The following SPEG variants were observed in gnomAD, a reference collection of about 807,000 sequenced individuals.
SPEG encodes striated muscle preferentially expressed protein kinase.
In SPEG, 114 loss-of-function variants were observed where a neutral mutation model predicts 300.4. The ratio of observed to expected loss-of-function variants is 0.38; its 90% CI spans 0.33 to 0.44. The LOEUF is 0.44. Among genes scored for constraint, SPEG ranks in the 20% least tolerant of loss-of-function variants. The pLI is 1.00. For missense variants in SPEG, 4,201 were observed against 4,586.2 expected, an observed-to-expected ratio of 0.92 and a Z score of 2.43; for synonymous variants, 1,964 against 2,018.9, an observed-to-expected ratio of 0.97 and a Z score of 0.73.
At position 219,451,606 on chromosome 2, in the gene SPEG, T is replaced by C; in HGVS notation, c.2258-19T>C. 1 of 1,513,394 alleles carries C rather than the reference T, an allele frequency of 6.6e-7. No individual in the cohort carries two copies. The highest frequency in any genetic ancestry group is 8.8e-7 in the Non-Finnish European group (1 of 1,131,214). The allele number at this position is 1,513,394 out of a possible 1,614,324, so 93.7% of individuals were successfully genotyped here. On this transcript the variant is annotated intron_variant, in intron 5 of 40. Coordinates refer to ENST00000312358, the MANE Select transcript of SPEG (RefSeq NM_005876.5). The surrounding 1 kb of genome is among the most constrained non-coding windows in gnomAD (Gnocchi z 6.4). The stretch of plus-strand genomic sequence containing the variant: ...CGCCTGTGGGCCGTGGCGAGCCGGG[T>C]CCCTGTGCCTCCCCACAGTGTCCTG...
Position 219,480,149 on chromosome 2 carries a change from G to A in SPEG, c.5342+9G>A. On this transcript the variant is annotated intron_variant, in intron 25 of 40. Transcript: ENST00000312358. This position sits in a 1 kb window ranked among gnomAD's most constrained non-coding sequence, Gnocchi z 5.3. Reference sequence around the variant, plus strand: ...GGAGTCACTGACATCTGGTAAGGCTGGCATGCTGGGCTGGGCCGACCAGGG... The same window carrying A: ...GGAGTCACTGACATCTGGTAAGGCTAGCATGCTGGGCTGGGCCGACCAGGG... The A allele has an allele frequency of 6.2e-7, 1 of 1,613,120 alleles. No individual in the cohort carries two copies. The highest frequency in any genetic ancestry group is 8.5e-7 in the Non-Finnish European group (1 of 1,179,588).
At chr2:219,485,234 C>T (rs1026924890) in intron 30 of SPEG, 112 bp from the exon 31 acceptor site, 3 of 1,495,468 alleles carry the variant, frequency 2.0e-6, no homozygotes, top group South Asian at 1.3e-5. Flanking sequence ...GGAATGGCGG[C>T]AGGGCTGGGT....
At chr2:219,446,596 C>T (rs1220098565) in intron 3 of SPEG, among the ~76,000 whole-genome samples, 1 of 152,164 alleles carries the variant, frequency 6.6e-6, no homozygotes, top group East Asian at 1.9e-4. Context: ...GCTAAAACAT[C>T]CTTAACTCGG....
rs1365365489 is a variant in SPEG at position 219,477,485 on chromosome 2, C to CT, written c.4729+41dup. 6.6e-7 allele frequency: 1 copy of CT among 1,524,202 alleles called. No individual in the cohort carries two copies. Among genetic ancestry groups the CT allele is most frequent in the Non-Finnish European group, 8.8e-7 (1 of 1,131,844 alleles). 94.4% of individuals were successfully genotyped at this position (1,524,202 alleles called of 1,614,324 possible). A position where few individuals can be genotyped will look rare whatever the true frequency, so the allele number is the denominator to read the frequency against. On this transcript the variant is annotated intron_variant, in intron 20 of 40. Coordinates refer to ENST00000312358, the MANE Select transcript of SPEG (RefSeq NM_005876.5). This position sits in a 1 kb window ranked among gnomAD's most constrained non-coding sequence, Gnocchi z 6.4. ...CGGAGAAAGGTAAAGCGCACACCCC[C>CT]TGGAATCTGATGTGACCCTCCATGC...
Position 219,448,270 on chromosome 2 carries a change from C to T in SPEG, c.1112C>T (p.Ser371Phe). 6.2e-7 allele frequency: 1 copy of T among 1,611,948 alleles called. No homozygotes were observed. Among genetic ancestry groups the T allele is most frequent in the South Asian group, 1.1e-5 (1 of 91,048 alleles). ...SGPSLAGTAE[S>F]RPQTPLSEAS... Reference sequence around the variant, plus strand: ...CCCTCCCTGGCGGGCACCGCGGAATCCCGACCCCAGACGCCACTGAGCGAG... The same window carrying T: ...CCCTCCCTGGCGGGCACCGCGGAATTCCGACCCCAGACGCCACTGAGCGAG... Residue 371 changes from serine to phenylalanine, a missense_variant, in exon 4 of 41, where the codon TCC becomes TTC. By Grantham distance (155) the Ser-to-Phe change is radical. Around this residue, in one of 4 missense-constraint regions of SPEG, gnomAD observed 1,258 missense variants for 1,293.9 expected, o/e 0.97. Transcript: ENST00000312358.
rs1306893270 is a variant in SPEG at position 219,445,990 on chromosome 2, T to C, written c.815+829T>C. Among the ~76,000 whole-genome samples the C allele has an allele frequency of 1.5e-5, 2 of 130,062 alleles. No homozygotes were observed. The highest frequency in any genetic ancestry group is 3.2e-5 in the Non-Finnish European group (2 of 61,544). 85.3% of individuals were successfully genotyped at this position (130,062 alleles called of 152,430 possible). ...GGAGTGCTATAGTGGAAGAGGGGAG[T>C]GGCTGAGAATAGAGGGACTAGGGCA... On this transcript the variant is annotated intron_variant, in intron 3 of 40. Transcript: ENST00000312358. The surrounding 1 kb of genome is among the most constrained non-coding windows in gnomAD (Gnocchi z 6.1).
In SPEG at chr2:219,463,908, G is replaced by A. The variant is rs537775639; in HGVS notation, c.2706-525G>A. 2.0e-4 allele frequency among the ~76,000 whole-genome samples: 30 copies of A among 152,222 alleles called. No individual in the cohort carries two copies. In the South Asian group the frequency reaches 6.0e-3, roughly 31 times the overall value. On this transcript the variant is annotated intron_variant, in intron 8 of 40. Coordinates refer to ENST00000312358, the MANE Select transcript of SPEG (RefSeq NM_005876.5). ...AAGCCAAGAGAGGAGGATCATTTGAGCCCAGAAGTTCAAGACCAGCGTGGA... is the reference window on the plus strand; with the variant it reads ...AAGCCAAGAGAGGAGGATCATTTGAACCCAGAAGTTCAAGACCAGCGTGGA...
In SPEG at chr2:219,477,792, G is replaced by C. The variant is rs1478007954; in HGVS notation, c.4826+7G>C. The C allele has an allele frequency of 1.2e-6, 2 of 1,602,518 alleles. No individual in the cohort carries two copies. Among genetic ancestry groups the C allele is most frequent in the Non-Finnish European group, 1.7e-6 (2 of 1,172,840 alleles). ...TCCACCAGGAGATCGGCAGGTGTGG[G>C]GCTAGGAGGGAAGCCAGTGGGGGCC... On this transcript the variant is annotated splice_region_variant and intron_variant, in intron 21 of 40. Coordinates refer to ENST00000312358, the MANE Select transcript of SPEG (RefSeq NM_005876.5). The surrounding 1 kb of genome is among the most constrained non-coding windows in gnomAD (Gnocchi z 6.4).
intron 6 of SPEG, 26 bp from the exon 7 acceptor site, chr2:219,461,856 T>C (rs1216397331): frequency 1.2e-6 from 2 of 1,609,390 alleles, no homozygotes; most frequent in Non-Finnish European, 1.7e-6. Flanking sequence ...CCTTCCTCCC[T>C]GGTAGCTATC....
At chr2:219,482,747 A>G (rs1399982177) in intron 28 of SPEG, 37 bp from the exon 29 acceptor site, 20 of 1,605,016 alleles carry the variant, frequency 1.2e-5, no homozygotes, top group African/African-American at 2.7e-5. Flanking sequence ...GTCTAGGTTG[A>G]CAGCTTTCCC....
chr2:219,461,087 G>A (rs1291412765), intron 6 of SPEG: 2 of 914,586 alleles, frequency 2.2e-6, no homozygotes, highest in Non-Finnish European at 2.6e-6. Context: ...TCTGTATTTG[G>A]CAGTCGGATA....
chr2:219,435,216 G>A lies in SPEG; in HGVS notation c.239G>A (p.Gly80Glu), dbSNP rs1404334141. 8.1e-6 allele frequency: 12 copies of A among 1,482,394 alleles called. No individual in the cohort carries two copies. The highest frequency in any genetic ancestry group is 1.1e-5 in the Non-Finnish European group (12 of 1,125,992). The allele number at this position is 1,482,394 out of a possible 1,614,324, so 91.8% of individuals were successfully genotyped here. Residue 80 changes from glycine (G) to glutamate (E), a missense_variant, in exon 1 of 41, where the codon GGG becomes GAG. Gly to Glu is a moderately conservative substitution (Grantham distance 98). Around this residue, in one of 4 missense-constraint regions of SPEG, gnomAD observed 1,258 missense variants for 1,293.9 expected, o/e 0.97. Transcript: ENST00000312358. Reference sequence around the variant, plus strand: ...CCCAGCCTCCGCTGGTTCCGGGATGGGCAGCTCCTGCCCGCGCCGGCCCCC... The same window carrying A: ...CCCAGCCTCCGCTGGTTCCGGGATGAGCAGCTCCTGCCCGCGCCGGCCCCC... ...PQPSLRWFRD[G>E]QLLPAPAPEP...
intron 1 of SPEG, 118 bp downstream of exon 1, chr2:219,435,483 G>A: frequency 8.5e-7 from 1 of 1,178,578 alleles, no homozygotes; most frequent in African/African-American, 1.6e-5. Context: ...CTTCCCAGGT[G>A]CCCTGGCTTC....
chr2:219,477,508 T>C lies in SPEG; in HGVS notation c.4729+63T>C. 1 of 1,492,832 alleles carries C rather than the reference T, an allele frequency of 6.7e-7. No individual in the cohort carries two copies. The highest frequency in any genetic ancestry group is 2.5e-5 in the East Asian group (1 of 40,494). The allele number at this position is 1,492,832 out of a possible 1,614,324, so 92.5% of individuals were successfully genotyped here. A position where few individuals can be genotyped will look rare whatever the true frequency, so the allele number is the denominator to read the frequency against. On this transcript the variant is annotated intron_variant, in intron 20 of 40. Transcript: ENST00000312358. The surrounding 1 kb of genome is among the most constrained non-coding windows in gnomAD (Gnocchi z 6.4). Reference sequence around the variant, plus strand: ...CCCTGGAATCTGATGTGACCCTCCATGCTCTGCCCAGGAAGCAGCCAGCCC... The same window carrying C: ...CCCTGGAATCTGATGTGACCCTCCACGCTCTGCCCAGGAAGCAGCCAGCCC...
intron 6 of SPEG, among the ~76,000 whole-genome samples, chr2:219,456,027 T>C (rs907656060): frequency 6.6e-6 from 1 of 152,228 alleles, no homozygotes. Context: ...TAGCTGGTCA[T>C]GGTTTTCTTG....
chr2:219,465,969 G>C (rs76953962), intron 9 of SPEG: 1 of 1,141,966 alleles, frequency 8.8e-7, no homozygotes, highest in African/African-American at 1.5e-5. Context: ...GTGTGCATGC[G>C]TGTGTGTGCA....
intron 4 of SPEG, among the ~76,000 whole-genome samples, chr2:219,450,054 T>A (rs563091776): frequency 7.2e-5 from 11 of 152,340 alleles, no homozygotes; most frequent in African/African-American, 2.6e-4. Context: ...CTCTACCTGC[T>A]GCTCCTGGGA....
Position 219,473,471 on chromosome 2 carries a change from C to G in SPEG, c.4148-33C>G. Reference sequence around the variant, plus strand: ...TGGGTGCTGAGGACCTGATGTCAAGCCCAGCACAGAGCCTGCGCTCTCCTC... The same window carrying G: ...TGGGTGCTGAGGACCTGATGTCAAGGCCAGCACAGAGCCTGCGCTCTCCTC... On this transcript the variant is annotated intron_variant, in intron 16 of 40. Transcript: ENST00000312358. This position sits in a 1 kb window ranked among gnomAD's most constrained non-coding sequence, Gnocchi z 4.6. 1 of 1,610,240 alleles carries G rather than the reference C, an allele frequency of 6.2e-7. No individual in the cohort carries two copies. Among genetic ancestry groups the G allele is most frequent in the Non-Finnish European group, 8.5e-7 (1 of 1,177,778 alleles).
chr2:219,446,995 T>TTCTA (rs1689342196), intron 3 of SPEG, among the ~76,000 whole-genome samples: 1 of 114,896 alleles, frequency 8.7e-6, no homozygotes, highest in African/African-American at 3.0e-5. Context: ...TTTTTTTGCT[T>TTCTA]ATCTTTATGT....
Sources: allele counts gnomAD v4.1 joint callset (sites outside exome capture counted in the v4.1 genomes callset), GRCh38; gene constraint gnomAD v4.1.1; regional missense constraint gnomAD v4.1.1; non-coding constraint Gnocchi (gnomAD v3.1); transcripts MANE v1.5; gene names NCBI Gene and HGNC (gene_info 2026-07-23, HGNC 2026-07-21).